The following GLIS3 variants were observed in gnomAD, a reference collection of about 807,000 sequenced individuals.
GLIS3 encodes the protein GLIS family zinc finger 3.
Under a neutral mutation model 78.6 loss-of-function variants are expected in GLIS3, and 53 were observed. The ratio of observed to expected loss-of-function variants is 0.67; its 90% confidence interval spans 0.54 to 0.85. The LOEUF is 0.85. Among genes scored for constraint, GLIS3 ranks in the 40% least tolerant of loss-of-function variants. GLIS3 has a pLI of 0.00. For synonymous variants in GLIS3, 684 were observed against 509.9 expected (o/e 1.34, Z -4.60); for missense variants, 1,703 against 1,231.1 (o/e 1.38, Z -5.74).
At chr9:4,374,978 G>A in the GLIS3 span, among the ~76,000 whole-genome samples, 7 of 147,266 alleles carry the variant, frequency 4.8e-5, no homozygotes, top group African/African-American at 7.4e-5. Context: ...ACAGTTTGCC[G>A]CTAGATGATT....
At chr9:3,978,696 T>C (rs1314633350) in intron 4 of GLIS3, among the ~76,000 whole-genome samples, 1 of 152,022 alleles carries the variant, frequency 6.6e-6, no homozygotes, top group Non-Finnish European at 1.5e-5. Flanking sequence ...GTATGTATTA[T>C]ACACACACAC....
In GLIS3 at chr9:3,825,653, A is replaced by C. The variant is rs1005950462; in HGVS notation, c.*2619T>G. 5.3e-5 allele frequency: 8 copies of C among 152,208 alleles called. No individual in the cohort carries two copies. Among genetic ancestry groups the C allele is most frequent in the Non-Finnish European group, 1.0e-4 (7 of 68,040 alleles). The allele number at this position is 152,208 out of a possible 1,614,324, so 9.4% of individuals were successfully genotyped here. A position where few individuals can be genotyped will look rare whatever the true frequency, so the allele number is the denominator to read the frequency against. ...CAAAAATAATGATGAATATATATAT[A>C]AATCTTCTGCAGTGTGAAAGTAAGC... On this transcript the variant is annotated 3_prime_UTR_variant, in exon 11 of 11. Coordinates refer to ENST00000381971, the MANE Select transcript of GLIS3 (RefSeq NM_001042413.2).
chr9:3,837,442 C>T (rs1246838995), intron 9 of GLIS3, among the ~76,000 whole-genome samples: 1 of 152,200 alleles, frequency 6.6e-6, no homozygotes, highest in Non-Finnish European at 1.5e-5. Context: ...GGTTGGAAAA[C>T]TTATGTCCAT....
chr9:4,140,721 G>A (rs894754369), intron 2 of GLIS3, among the ~76,000 whole-genome samples: 3 of 151,890 alleles, frequency 2.0e-5, no homozygotes, highest in Non-Finnish European at 4.4e-5. Flanking sequence ...AATTCAGCGA[G>A]CTATTATTTG....
At chr9:4,475,134 C>A in the GLIS3 span, among the ~76,000 whole-genome samples, 14 of 151,910 alleles carry the variant, frequency 9.2e-5, no homozygotes, top group African/African-American at 3.1e-4. Context: ...GCTGGGATTA[C>A]AGGCGTGAGC....
intron 2 of GLIS3, among the ~76,000 whole-genome samples, chr9:4,276,663 T>C (rs1827061046): frequency 6.6e-6 from 1 of 151,970 alleles, no homozygotes; most frequent in South Asian, 2.1e-4. Flanking sequence ...ACTAATGGAA[T>C]AGATTCTTTT....
chr9:3,965,188 C>CTTTTTTTTTTTTTTTTTTTTTTTTTTTTT lies in GLIS3; in HGVS notation c.1711-28000_1711-27999insAAAAAAAAAAAAAAAAAAAAAAAAAAAAA, dbSNP rs750454441. Among the ~76,000 whole-genome samples, 18 of 99,016 alleles carry CTTTTTTTTTTTTTTTTTTTTTTTTTTTTT rather than the reference C, an allele frequency of 1.8e-4. 2 individuals are homozygous for CTTTTTTTTTTTTTTTTTTTTTTTTTTTTT. The highest frequency in any genetic ancestry group is 3.0e-4 in the East Asian group (1 of 3,290). 65.0% of individuals were successfully genotyped at this position (99,016 alleles called of 152,430 possible). ...TACTTCTTTTCTATTTCTTTCTTTT[C>CTTTTTTTTTTTTTTTTTTTTTTTTTTTTT]TTTTCTTTTTTTTTTTTTTTTTTTG... On this transcript the variant is annotated intron_variant, in intron 4 of 10. Coordinates refer to ENST00000381971, the MANE Select transcript of GLIS3 (RefSeq NM_001042413.2).
At chr9:4,213,279 G>A (rs1448022823) in intron 2 of GLIS3, among the ~76,000 whole-genome samples, 1 of 152,112 alleles carries the variant, frequency 6.6e-6, no homozygotes, top group Non-Finnish European at 1.5e-5. Context: ...AGTCCTCCAG[G>A]AAGCCATCCC....
intron 2 of GLIS3, among the ~76,000 whole-genome samples, chr9:4,329,473 T>G (rs1328000690): frequency 6.6e-6 from 1 of 152,176 alleles, no homozygotes; most frequent in Non-Finnish European, 1.5e-5. Flanking sequence ...GTCCTGGAAC[T>G]AGGTGGTATC....
At position 4,286,328 on chromosome 9, in the gene GLIS3, G is replaced by A. The variant is rs751567499; in HGVS notation, c.98C>T (p.Ala33Val). The change falls in exon 2 of 11, where the codon GCC becomes GTC. Residue 33 changes from alanine to valine, a missense_variant. By Grantham distance (64) the Ala-to-Val change is moderately conservative. Coordinates refer to ENST00000381971, the MANE Select transcript of GLIS3 (RefSeq NM_001042413.2). ...CGAGGGGCCAGGAGTCCCGGAGTGG[G>A]CTCGGATGGCAGGAATGTGATGACC... ...VSGHHIPAIR[A>V]HSGTPGPSPC... The A allele has an allele frequency of 3.1e-6, 5 of 1,614,206 alleles. No individual in the cohort carries two copies. The African/African-American group carries it at 4.0e-5, about 13-fold the overall frequency.
At chr9:4,301,526 T>C (rs1413723616), upstream of GLIS3, among the ~76,000 whole-genome samples, 1 of 152,176 alleles carries the variant, frequency 6.6e-6, no homozygotes, top group Non-Finnish European at 1.5e-5. Context: ...ACTCCAGCCT[T>C]AAGGAACAGA....
intron 4 of GLIS3, among the ~76,000 whole-genome samples, chr9:4,069,185 T>C (rs1001057323): frequency 1.3e-5 from 2 of 152,178 alleles, no homozygotes; most frequent in Non-Finnish European, 1.5e-5. Flanking sequence ...ATTTCTAAGA[T>C]ACTGGCCAGC....
At chr9:4,098,799 C>T (rs1830149812) in intron 4 of GLIS3, among the ~76,000 whole-genome samples, 1 of 152,116 alleles carries the variant, frequency 6.6e-6, no homozygotes, top group South Asian at 2.1e-4. Flanking sequence ...CAATTAATTT[C>T]CCCTAGAAAC....
At chr9:4,024,676 C>T (rs887109800) in intron 4 of GLIS3, among the ~76,000 whole-genome samples, 6 of 152,144 alleles carry the variant, frequency 3.9e-5, no homozygotes, top group Admixed American at 1.3e-4. Context: ...AAAACTGTAC[C>T]GATTCACAGG....
At chr9:4,054,438 G>C (rs1299416756) in intron 4 of GLIS3, 1 of 985,296 alleles carries the variant, frequency 1.0e-6, no homozygotes, top group African/African-American at 1.7e-5. Flanking sequence ...ACTTTGGCGA[G>C]AGTCACAGGA....
the GLIS3 span, among the ~76,000 whole-genome samples, chr9:4,369,850 A>C: frequency 6.6e-5 from 10 of 152,316 alleles, no homozygotes; most frequent in African/African-American, 2.4e-4. Flanking sequence ...GTTAAAAAGG[A>C]AGCATGCAAT....
At chr9:4,041,769 C>A (rs1314846738) in intron 4 of GLIS3, among the ~76,000 whole-genome samples, 1 of 152,162 alleles carries the variant, frequency 6.6e-6, no homozygotes, top group East Asian at 1.9e-4. Context: ...AACACCCAAC[C>A]CCACTTCATG....
chr9:4,474,315 G>T, the GLIS3 span, among the ~76,000 whole-genome samples: 1 of 152,132 alleles, frequency 6.6e-6, no homozygotes, highest in Admixed American at 6.6e-5. Flanking sequence ...AGACTAGCCT[G>T]GGCAATATGG....
intron 2 of GLIS3, among the ~76,000 whole-genome samples, chr9:4,179,115 C>T (rs1347034031): frequency 6.6e-6 from 1 of 152,166 alleles, no homozygotes; most frequent in African/African-American, 2.4e-5. Context: ...TGTTTCGCCT[C>T]GGTATCTTCC....
Sources: allele counts gnomAD v4.1 joint callset (sites outside exome capture counted in the v4.1 genomes callset), GRCh38; gene constraint gnomAD v4.1.1; transcripts MANE v1.5; gene names NCBI Gene and HGNC (gene_info 2026-07-23, HGNC 2026-07-21).